The following LRRC49 variants were observed in gnomAD, a reference collection of about 807,000 sequenced individuals.
LRRC49 encodes the protein leucine rich repeat containing 49.
A neutral mutation model predicts 83.3 loss-of-function variants in LRRC49; 50 were observed. The ratio of observed to expected loss-of-function variants is 0.60; its 90% CI spans 0.48 to 0.76. The LOEUF (loss-of-function observed/expected upper bound fraction) is 0.76. LRRC49 is among the 30% of genes least tolerant of loss of function. The pLI is 0.00. For synonymous variants in LRRC49, 286 were observed against 283.3 expected (o/e 1.01, Z -0.10); for missense variants, 704 against 809.1 (o/e 0.87, Z 1.58).
At chr15:70,883,017 A>G in intron 2 of LRRC49, 1 of 1,062,838 alleles carries the variant, frequency 9.4e-7, no homozygotes, top group East Asian at 2.5e-5. Context: ...TCAGTCACAT[A>G]TTAGTAAGGC....
intron 14 of LRRC49, among the ~76,000 whole-genome samples, chr15:71,025,711 A>AT (rs2039146443): frequency 6.6e-6 from 1 of 151,492 alleles, no homozygotes; most frequent in South Asian, 2.1e-4. Flanking sequence ...TAGAAAGAAA[A>AT]AAAAAAACAG....
chr15:70,853,852 C>G, intron 1 of LRRC49: 1 of 1,226,974 alleles, frequency 8.2e-7, no homozygotes, highest in Non-Finnish European at 1.0e-6. Context: ...CCGGCGCCCC[C>G]TCGGGGCCCA....
chr15:71,032,450 C>T (rs534065268), intron 14 of LRRC49, among the ~76,000 whole-genome samples: 25 of 151,756 alleles, frequency 1.6e-4, no homozygotes, highest in African/African-American at 4.8e-4. Context: ...CTATTCTGTA[C>T]TATTTCTTCC....
intron 15 of LRRC49, among the ~76,000 whole-genome samples, chr15:71,041,466 A>G (rs2039697519): frequency 6.6e-6 from 1 of 152,220 alleles, no homozygotes; most frequent in Admixed American, 6.5e-5. Context: ...AACAGCTTCC[A>G]TATTACAGAT....
intron 1 of LRRC49, among the ~76,000 whole-genome samples, chr15:70,864,010 A>T (rs1027592361): frequency 2.0e-5 from 3 of 152,140 alleles, no homozygotes; most frequent in Non-Finnish European, 4.4e-5. Context: ...TGCCCAGGGA[A>T]GTGCCTGTAG....
chr15:70,867,488 C>A lies in LRRC49; in HGVS notation c.-298-5420C>A, dbSNP rs573968563. The stretch of plus-strand genomic sequence containing the variant: ...GGCCTATGACCTCATTTAACCCTTG[C>A]AGCAGTCCCAAGTCCCAATGATCCC... On this transcript the variant is annotated intron_variant, in intron 1 of 16. Coordinates refer to the LRRC49 transcript ENST00000544974. Among the ~76,000 whole-genome samples, 104 of 152,246 alleles carry A rather than the reference C, an allele frequency of 6.8e-4. 1 individual carries two copies. The South Asian group carries it at 0.021, about 30-fold the overall frequency.
At chr15:71,031,046 G>T (rs1347724524) in intron 14 of LRRC49, among the ~76,000 whole-genome samples, 1 of 152,098 alleles carries the variant, frequency 6.6e-6, no homozygotes, top group African/African-American at 2.4e-5. Flanking sequence ...TTGTGCCATT[G>T]CTGGGGAGGA....
At chr15:71,043,005 A>G (rs79147805) in intron 15 of LRRC49, among the ~76,000 whole-genome samples, 2,957 of 152,210 alleles carry the variant, frequency 0.019, 94 homozygotes, top group African/African-American at 0.067. Context: ...TCTTTTCTGA[A>G]CACTGTTTGT....
At chr15:71,042,477 G>A (rs1159705634) in intron 15 of LRRC49, among the ~76,000 whole-genome samples, 2 of 152,146 alleles carry the variant, frequency 1.3e-5, no homozygotes, top group Admixed American at 6.5e-5. Flanking sequence ...ATGTGGATTT[G>A]AGCCCCTGAT....
chr15:70,936,790 A>C lies in LRRC49; in HGVS notation c.741A>C (p.Gln247His). Residue 247 changes from glutamine (Q) to histidine (H), a missense_variant, in exon 8 of 16, where the codon CAA becomes CAC. Gln to His is a conservative substitution (Grantham distance 24, BLOSUM62 0). Coordinates refer to ENST00000260382, the MANE Select transcript of LRRC49 (RefSeq NM_017691.5). ...ATGTGGATAATTTGCCCTGCCTCCA[A>C]CATCTCTTTCTCAGCTTTAACAATA... Reference protein sequence around the residue: ...VRDVDNLPCLQHLFLSFNNIS... With the variant: ...VRDVDNLPCLHHLFLSFNNIS... The C allele has an allele frequency of 6.2e-7, 1 of 1,611,742 alleles. No individual in the cohort carries two copies. The highest frequency in any genetic ancestry group is 1.1e-5 in the South Asian group (1 of 90,956).
At chr15:71,038,909 T>A (rs1189319688) in intron 15 of LRRC49, among the ~76,000 whole-genome samples, 1 of 152,154 alleles carries the variant, frequency 6.6e-6, no homozygotes, top group African/African-American at 2.4e-5. Context: ...CACTGTGTAA[T>A]ATACTAGGGC....
chr15:70,903,496 C>A (rs914788944), intron 4 of LRRC49, among the ~76,000 whole-genome samples: 8 of 152,050 alleles, frequency 5.3e-5, no homozygotes, highest in African/African-American at 1.9e-4. Context: ...GATTTGTTAG[C>A]CATTAACATT....
chr15:70,975,769 GTGTGAACT>G (rs1307958763), intron 9 of LRRC49, among the ~76,000 whole-genome samples: 3 of 151,820 alleles, frequency 2.0e-5, no homozygotes, highest in Admixed American at 2.0e-4. Flanking sequence ...AATTGGCTTA[GTGTGAACT>G]TGTTTACAAT....
intron 8 of LRRC49, among the ~76,000 whole-genome samples, chr15:70,947,390 A>G (rs1001833213): frequency 2.0e-5 from 3 of 152,212 alleles, no homozygotes; most frequent in African/African-American, 7.2e-5. Flanking sequence ...CAAAAAAGGC[A>G]TTGTGGAGAG....
intron 1 of LRRC49, chr15:70,859,609 C>T (rs1336414180): frequency 4.7e-6 from 3 of 644,604 alleles, no homozygotes; most frequent in African/African-American, 1.8e-5. Flanking sequence ...TTGGGCATGA[C>T]CTGCAGCCTA....
Position 70,936,925 on chromosome 15 carries a change from G to A in LRRC49, c.773+103G>A, listed in dbSNP as rs1006430486. 1.1e-5 allele frequency: 8 copies of A among 722,560 alleles called. No individual in the cohort carries two copies. The African/African-American group carries it at 1.4e-4, about 13-fold the overall frequency. 44.8% of individuals were successfully genotyped at this position (722,560 alleles called of 1,614,324 possible). ...TACCTTGGAGAATTTTACTAGCATG[G>A]AAGATTTTAAATTAGAAAATGATAA... On this transcript the variant is annotated intron_variant, in intron 8 of 15. Transcript: ENST00000260382.
At chr15:70,944,303 G>A (rs993244021) in intron 8 of LRRC49, among the ~76,000 whole-genome samples, 5 of 152,118 alleles carry the variant, frequency 3.3e-5, no homozygotes, top group Admixed American at 1.3e-4. Context: ...AGTCAAAGGT[G>A]TTTTGGCCAA....
intron 9 of LRRC49, among the ~76,000 whole-genome samples, chr15:70,971,797 C>CTTTTTTTTTTTTTTT (rs56230666): frequency 1.2e-5 from 1 of 82,268 alleles, no homozygotes; most frequent in Admixed American, 1.5e-4. Flanking sequence ...GTAACCACTC[C>CTTTTTTTTTTTTTTT]TTTTTTTTTT....
chr15:70,914,267 A>G (rs552247723), intron 6 of LRRC49, among the ~76,000 whole-genome samples: 15 of 152,282 alleles, frequency 9.9e-5, no homozygotes, highest in Non-Finnish European at 2.2e-4. Context: ...CTAATGTCCA[A>G]TTCTAAAAAT....
Sources: allele counts gnomAD v4.1 joint callset (sites outside exome capture counted in the v4.1 genomes callset), GRCh38; gene constraint gnomAD v4.1.1; transcripts MANE v1.5; gene names NCBI Gene and HGNC (gene_info 2026-07-23, HGNC 2026-07-21).